The following SPRED3 variants were observed in gnomAD, a reference collection of about 807,000 sequenced individuals.
SPRED3 encodes sprouty related EVH1 domain containing 3, also known as sprouty-related, EVH1 domain-containing protein 3.
SPRED3 carries 23 observed loss-of-function variants against 37.6 expected under a neutral mutation model. The observed-to-expected ratio is 0.61, with a 90% CI of 0.44 to 0.87. The LOEUF (loss-of-function observed/expected upper bound fraction) is 0.87, where lower values mean the gene tolerates loss of function less well. SPRED3 is among the 40% of genes least tolerant of loss of function. The pLI, the probability that SPRED3 is intolerant of heterozygous loss-of-function variation, is 0.00. For synonymous variants in SPRED3, 302 were observed against 279.6 expected (o/e 1.08, Z -0.80); for missense variants, 584 against 618.6 (o/e 0.94, Z 0.59).
rs767175091 is a variant in SPRED3, at chr19:38,392,257, A to G, written c.392A>G (p.Gln131Arg). 2 of 1,587,992 alleles carry G rather than the reference A, an allele frequency of 1.3e-6. No homozygotes were observed. Among genetic ancestry groups the G allele is most frequent in the Non-Finnish European group, 1.7e-6 (2 of 1,167,246 alleles). Residue 131 changes from glutamine to arginine, a missense_variant, in exon 4 of 6, where the codon CAG (glutamine) becomes CGG (arginine). Gln to Arg is a conservative substitution (Grantham distance 43). Transcript: ENST00000691638. Reference protein sequence around the residue: ...SSSSSSSSPSQDTAETPCPLT... With the variant: ...SSSSSSSSPSRDTAETPCPLT... ...TCCTCCTCCTCCTCCTCTCCTTCCC[A>G]GGATACTGCAGAGACCCCCTGCCCT... is the stretch of plus-strand genomic sequence containing the variant.
intron 1 of SPRED3, among the ~76,000 whole-genome samples, chr19:38,389,033 C>T (rs1375579277): frequency 6.6e-6 from 1 of 152,178 alleles, no homozygotes; most frequent in Non-Finnish European, 1.5e-5. Flanking sequence ...CACAAAATTC[C>T]GTCCTGGACC....
At position 38,395,839 on chromosome 19, in the gene SPRED3, C is replaced by G. The variant is rs1450747798; in HGVS notation, c.927C>G (p.Asp309Glu). ...GCGCGCTCTTCCGTCGCAGAGCAGA[C>G]GGGCGTGGCGGCCGCTGCGCAGAGG... ...HCRALFRRRADGRGGRCAEAP... is the reference protein window; with the variant it reads ...HCRALFRRRAEGRGGRCAEAP... The change falls in exon 6 of 6, where the codon GAC becomes GAG. Residue 309 changes from aspartate (D) to glutamate (E), a missense_variant. Around this residue, in one of 7 missense-constraint regions of SPRED3, gnomAD observed 67 missense variants for 57.4 expected, o/e 1.17. Transcript: ENST00000691638. This position sits in a 1 kb window ranked among gnomAD's most constrained non-coding sequence, Gnocchi z 5.2. The G allele has an allele frequency of 2.0e-6, 3 of 1,471,552 alleles. No homozygotes were observed. Among genetic ancestry groups the G allele is most frequent in the Non-Finnish European group, 2.7e-6 (3 of 1,120,216 alleles). The allele number at this position is 1,471,552 out of a possible 1,614,324, so 91.2% of individuals were successfully genotyped here. A position where few individuals can be genotyped will look rare whatever the true frequency, so the allele number is the denominator to read the frequency against.
chr19:38,394,723 G>C lies in SPRED3; in HGVS notation c.504G>C (p.Thr168=), dbSNP rs776611495. The C allele has an allele frequency of 8.2e-6, 13 of 1,592,282 alleles. No individual in the cohort carries two copies. The highest frequency in any genetic ancestry group is 1.1e-5 in the South Asian group (1 of 88,006). ...PPSAAAAPII[T]MESASGFGPT... ...GCGCCGCTGCGGCCCCCATCATCAC[G>C]ATGGAGTCAGCTTCAGGCTTCGGGC... Residue 168 remains threonine (T), a synonymous_variant, in exon 5 of 6, where the codon ACG becomes ACC. Transcript: ENST00000691638.
In SPRED3 at chr19:38,392,239, C is replaced by G; in HGVS notation, c.374C>G (p.Ser125Cys). The change falls in exon 4 of 6, where the codon TCC becomes TGC. Residue 125 changes from serine to cysteine, a missense_variant. Ser to Cys is a moderately radical substitution (Grantham distance 112, BLOSUM62 -1). Around this residue, in one of 7 missense-constraint regions of SPRED3, gnomAD observed 310 missense variants for 281.1 expected, o/e 1.10. Coordinates refer to ENST00000691638, the MANE Select transcript of SPRED3 (RefSeq NM_001394336.1). ...TCACTCACCCCCTCCTCCTCCTCCT[C>G]CTCCTCCTCTCCTTCCCAGGATACT... ...RGSLTPSSSSSSSSPSQDTAE... is the reference protein window; with the variant it reads ...RGSLTPSSSSCSSSPSQDTAE... 2 of 1,598,570 alleles carry G rather than the reference C, an allele frequency of 1.3e-6. No individual in the cohort carries two copies. Among genetic ancestry groups the G allele is most frequent in the Non-Finnish European group, 1.7e-6 (2 of 1,172,144 alleles).
At chr19:38,391,191 A>C (rs1165961758) in intron 2 of SPRED3, among the ~76,000 whole-genome samples, 2 of 151,964 alleles carry the variant, frequency 1.3e-5, no homozygotes, top group Non-Finnish European at 2.9e-5. Flanking sequence ...TGGAAGTCTG[A>C]TAAGACTGTT....
chr19:38,394,506 C>A, intron 4 of SPRED3, 137 bp from the exon 5 acceptor site: 1 of 1,532,568 alleles, frequency 6.5e-7, no homozygotes, highest in Admixed American at 1.7e-5. Context: ...GTCACACAAC[C>A]AGTCAGTGAC....
Position 38,395,589 on chromosome 19 carries a change from C to A in SPRED3, c.677C>A (p.Ser226Tyr). 1 of 1,550,806 alleles carries A rather than the reference C, an allele frequency of 6.4e-7. No individual in the cohort carries two copies. Among genetic ancestry groups the A allele is most frequent in the Non-Finnish European group, 8.7e-7 (1 of 1,152,966 alleles). The change falls in exon 6 of 6, where the codon TCC becomes TAC. Residue 226 changes from serine (S) to tyrosine (Y), a missense_variant. Transcript: ENST00000691638. This position sits in a 1 kb window ranked among gnomAD's most constrained non-coding sequence, Gnocchi z 5.2. Reference protein sequence around the residue: ...GGRGYEDYRRSGPPAPLALST... With the variant: ...GGRGYEDYRRYGPPAPLALST... ...CGCGGCTACGAGGATTACCGGCGCT[C>A]CGGGCCACCCGCGCCCCTCGCCCTG...
chr19:38,394,699 C>T lies in SPRED3; in HGVS notation c.480C>T (p.Ser160=). Residue 160 remains serine, a synonymous_variant, in exon 5 of 6, where the codon AGC becomes AGT. Coordinates refer to ENST00000691638, the MANE Select transcript of SPRED3 (RefSeq NM_001394336.1). The part of the protein sequence containing the change: ...SSHSRQETPP[S]AAAAPIITME... Reference sequence around the variant, plus strand: ...ACAGCCGCCAGGAGACTCCTCCCAGCGCCGCTGCGGCCCCCATCATCACGA... The same window carrying T: ...ACAGCCGCCAGGAGACTCCTCCCAGTGCCGCTGCGGCCCCCATCATCACGA... 1 of 1,596,166 alleles carries T rather than the reference C, an allele frequency of 6.3e-7. No individual in the cohort carries two copies.
Position 38,391,955 on chromosome 19 carries a change from G to A in SPRED3, c.187G>A (p.Glu63Lys), listed in dbSNP as rs1025464803. 1 of 1,614,092 alleles carries A rather than the reference G, an allele frequency of 6.2e-7. No individual in the cohort carries two copies. Among genetic ancestry groups the A allele is most frequent in the African/African-American group, 1.3e-5 (1 of 75,030 alleles). The change falls in exon 3 of 6, where the codon GAG (glutamate) becomes AAG (lysine). Residue 63 changes from glutamate (E) to lysine (K), a missense_variant. By Grantham distance (56) the Glu-to-Lys change is moderately conservative. This residue lies in a region of SPRED3 where 88 missense variants were observed against 77.0 expected (regional missense o/e 1.14). Transcript: ENST00000691638. ...ERLRDQKTTL[E>K]CTLKPGLVYN... ...TCCTTCTGCCCCTCAGACAACCTTGGAGTGTACACTGAAGCCAGGCTTGGT... is the reference window on the plus strand; with the variant it reads ...TCCTTCTGCCCCTCAGACAACCTTGAAGTGTACACTGAAGCCAGGCTTGGT...
rs777087983 is a variant in SPRED3 at position 38,392,209 on chromosome 19, C to A, written c.347-3C>A. ...TCACTCTCTGCCTCTCTCCCTGCCC[C>A]AGGCTCACTCACCCCCTCCTCCTCC... On this transcript the variant is annotated splice_polypyrimidine_tract_variant and splice_region_variant and intron_variant, in intron 3 of 5. Transcript: ENST00000691638. 3 of 1,599,570 alleles carry A rather than the reference C, an allele frequency of 1.9e-6. No individual in the cohort carries two copies. The highest frequency in any genetic ancestry group is 1.8e-4 in the Middle Eastern group (1 of 5,602).
In SPRED3 at chr19:38,397,055, G is replaced by A. The variant is rs1199684742; in HGVS notation, c.*910G>A. On this transcript the variant is annotated 3_prime_UTR_variant, in exon 6 of 6. Coordinates refer to ENST00000691638, the MANE Select transcript of SPRED3 (RefSeq NM_001394336.1). ...TAGGTCCACCCACCCCCAAGCCAGG[G>A]TTCTCAGGAGCTTTGGATATCATTT... 1.3e-5 allele frequency: 2 copies of A among 152,172 alleles called. No homozygotes were observed. The highest frequency in any genetic ancestry group is 2.9e-5 in the Non-Finnish European group (2 of 68,046). The allele number at this position is 152,172 out of a possible 1,614,324, so 9.4% of individuals were successfully genotyped here.
chr19:38,394,255 G>C, intron 4 of SPRED3: 1 of 1,375,838 alleles, frequency 7.3e-7, no homozygotes, highest in Non-Finnish European at 9.7e-7. Context: ...GCTGCCCAGG[G>C]GAGAGGGATT....
rs1159547568 is a variant in SPRED3 at position 38,397,757 on chromosome 19, A to G, written c.*1612A>G. Reference sequence around the variant, plus strand: ...CCCTTTATCTTAGGGTGGGATCCCTACCATTTGGAACTCATTGTAGGACCA... The same window carrying G: ...CCCTTTATCTTAGGGTGGGATCCCTGCCATTTGGAACTCATTGTAGGACCA... On this transcript the variant is annotated 3_prime_UTR_variant, in exon 6 of 6. Transcript: ENST00000691638. The G allele has an allele frequency of 6.6e-6, 1 of 152,086 alleles. No individual in the cohort carries two copies. The highest frequency in any genetic ancestry group is 1.5e-5 in the Non-Finnish European group (1 of 67,998). 9.4% of individuals were successfully genotyped at this position (152,086 alleles called of 1,614,324 possible). A position where few individuals can be genotyped will look rare whatever the true frequency, so the allele number is the denominator to read the frequency against.
chr19:38,393,056 G>A (rs2145155810), intron 4 of SPRED3, among the ~76,000 whole-genome samples: 1 of 152,230 alleles, frequency 6.6e-6, no homozygotes, highest in Admixed American at 6.5e-5. Flanking sequence ...CTCGGCTTCG[G>A]CCACATGGCC....
Position 38,396,595 on chromosome 19 carries a change from G to A in SPRED3, c.*450G>A, listed in dbSNP as rs1970900807. 6.5e-6 allele frequency: 1 copy of A among 153,246 alleles called. No homozygotes were observed. The highest frequency in any genetic ancestry group is 2.4e-5 in the African/African-American group (1 of 41,460). The allele number at this position is 153,246 out of a possible 1,614,324, so 9.5% of individuals were successfully genotyped here. A position where few individuals can be genotyped will look rare whatever the true frequency, so the allele number is the denominator to read the frequency against. ...TGGCTCTGCCTTTATTCAACTCCCA[G>A]ATCAGATCTTGAGACCATAGGACCT... On this transcript the variant is annotated 3_prime_UTR_variant, in exon 6 of 6. Transcript: ENST00000691638.
chr19:38,392,393 C>T (rs1600515250), intron 4 of SPRED3, 105 bp downstream of exon 4: 13 of 1,277,586 alleles, frequency 1.0e-5, no homozygotes, highest in Non-Finnish European at 1.1e-5. Flanking sequence ...TGCCACACAC[C>T]GGGTACACAA....
chr19:38,389,194 G>A (rs1970790428), intron 1 of SPRED3, among the ~76,000 whole-genome samples: 1 of 152,206 alleles, frequency 6.6e-6, no homozygotes. Flanking sequence ...TGTCGGGGGA[G>A]GCGGGCGGAC....
chr19:38,395,377 G>A lies in SPRED3; in HGVS notation c.568-103G>A, dbSNP rs1332366029. ...GACCTTGGGAGAGAAGCAAGCTGGGGTCTTGAAAATCTGAATCCCAGACCC... is the reference window on the plus strand; with the variant it reads ...GACCTTGGGAGAGAAGCAAGCTGGGATCTTGAAAATCTGAATCCCAGACCC... On this transcript the variant is annotated intron_variant, in intron 5 of 5. Transcript: ENST00000691638. The surrounding 1 kb of genome is among the most constrained non-coding windows in gnomAD (Gnocchi z 5.2). 1 of 1,144,096 alleles carries A rather than the reference G, an allele frequency of 8.7e-7. No individual in the cohort carries two copies. Among genetic ancestry groups the A allele is most frequent in the Non-Finnish European group, 1.2e-6 (1 of 857,732 alleles). The allele number at this position is 1,144,096 out of a possible 1,614,324, so 70.9% of individuals were successfully genotyped here. A position where few individuals can be genotyped will look rare whatever the true frequency, so the allele number is the denominator to read the frequency against.
Position 38,395,508 on chromosome 19 carries a change from G to T in SPRED3, c.596G>T (p.Gly199Val). 6.6e-7 allele frequency: 1 copy of T among 1,521,204 alleles called. No individual in the cohort carries two copies. The highest frequency in any genetic ancestry group is 2.3e-5 in the Admixed American group (1 of 44,292). The allele number at this position is 1,521,204 out of a possible 1,614,324, so 94.2% of individuals were successfully genotyped here. A position where few individuals can be genotyped will look rare whatever the true frequency, so the allele number is the denominator to read the frequency against. The change falls in exon 6 of 6, where the codon GGG becomes GTG. Residue 199 changes from glycine to valine, a missense_variant. Transcript: ENST00000691638. This position sits in a 1 kb window ranked among gnomAD's most constrained non-coding sequence, Gnocchi z 5.2. ...QSYPPLLPFT[G>V]IPEPSEPLAG... ...TACCCTCCGCTTCTACCGTTCACGGGGATTCCGGAACCCTCAGAGCCCCTG... is the reference window on the plus strand; with the variant it reads ...TACCCTCCGCTTCTACCGTTCACGGTGATTCCGGAACCCTCAGAGCCCCTG...
Sources: allele counts gnomAD v4.1 joint callset (sites outside exome capture counted in the v4.1 genomes callset), GRCh38; gene constraint gnomAD v4.1.1; regional missense constraint gnomAD v4.1.1; non-coding constraint Gnocchi (gnomAD v3.1); transcripts MANE v1.5; gene names NCBI Gene and HGNC (gene_info 2026-07-23, HGNC 2026-07-21).